The following PRR5 variants were observed in gnomAD, a reference collection of about 807,000 sequenced individuals.
PRR5 encodes the protein proline-rich protein 5.
In PRR5, 25 loss-of-function variants were observed where a neutral mutation model predicts 30.6. The ratio of observed to expected loss-of-function variants is 0.82; its 90% CI spans 0.60 to 1.14. PRR5 has a LOEUF of 1.14. Among genes scored for constraint, PRR5 ranks in the 50% most tolerant of loss-of-function variants. The probability of loss-of-function intolerance (pLI) is 0.00; values close to 1 mark genes in which losing one functional copy is unlikely to be tolerated. For synonymous variants in PRR5, 286 were observed against 247.1 expected, an observed-to-expected ratio of 1.16 and a Z score of -1.48; for missense variants, 600 against 547.1, an observed-to-expected ratio of 1.10 and a Z score of -0.96.
chr22:44,704,825 C>A (rs2147021188), intron 1 of PRR5, among the ~76,000 whole-genome samples: 1 of 152,234 alleles, frequency 6.6e-6, no homozygotes, highest in South Asian at 2.1e-4. Flanking sequence ...CTCTCCTCCC[C>A]AGCAGATGTG....
chr22:44,670,160 G>A (rs1569056428), intron 1 of PRR5, among the ~76,000 whole-genome samples: 1 of 152,194 alleles, frequency 6.6e-6, no homozygotes, highest in Non-Finnish European at 1.5e-5. Context: ...CCTCCGGCTG[G>A]CGGACAGCGA....
intron 2 of PRR5, among the ~76,000 whole-genome samples, chr22:44,717,457 G>A (rs975161223): frequency 6.6e-6 from 1 of 152,122 alleles, no homozygotes; most frequent in African/African-American, 2.4e-5. Context: ...CTCCCAAAGT[G>A]CTGGGATTCC....
chr22:44,729,339 G>T (rs1166947657), intron 4 of PRR5: 1 of 984,390 alleles, frequency 1.0e-6, no homozygotes, highest in Non-Finnish European at 1.2e-6. Context: ...CTCAGCACTC[G>T]GATAAAGAAA....
rs1314885566 is a variant in PRR5, at chr22:44,678,242, T to A, written c.-11+1002T>A. On this transcript the variant is annotated intron_variant, in intron 1 of 8. Transcript: ENST00000006251. Reference sequence around the variant, plus strand: ...GTTCCTGCTCACTCTCAGCCTTCTCTCCTCTGGGCCTTCCTCCTGCTGTTC... The same window carrying A: ...GTTCCTGCTCACTCTCAGCCTTCTCACCTCTGGGCCTTCCTCCTGCTGTTC... 2.6e-5 allele frequency among the ~76,000 whole-genome samples: 4 copies of A among 151,556 alleles called. No individual in the cohort carries two copies. In the East Asian group the frequency reaches 7.8e-4, roughly 29 times the overall value.
chr22:44,724,440 G>C (rs1358966286), intron 2 of PRR5, among the ~76,000 whole-genome samples: 1 of 143,350 alleles, frequency 7.0e-6, no homozygotes, highest in East Asian at 2.0e-4. Flanking sequence ...GTCTCAAAAA[G>C]AAAAAAAAAA....
intron 1 of PRR5, among the ~76,000 whole-genome samples, chr22:44,682,993 C>A (rs1924429195): frequency 6.6e-6 from 1 of 152,206 alleles, no homozygotes; most frequent in Non-Finnish European, 1.5e-5. Flanking sequence ...GCCAACCAGA[C>A]CAGGCTTAAG....
chr22:44,732,659 C>G (rs1922242853), intron 6 of PRR5, among the ~76,000 whole-genome samples: 1 of 152,156 alleles, frequency 6.6e-6, no homozygotes, highest in Non-Finnish European at 1.5e-5. Context: ...TGTGCCCACC[C>G]CCAGCACGCA....
intron 7 of PRR5, among the ~76,000 whole-genome samples, chr22:44,735,394 A>G (rs1923028989): frequency 6.6e-6 from 1 of 152,100 alleles, no homozygotes; most frequent in African/African-American, 2.4e-5. Context: ...GCTCCACCAG[A>G]CCTCCGTGTT....
rs1923458323 is a variant in PRR5, at chr22:44,737,264, T to G, written c.*17T>G. 6.3e-7 allele frequency: 1 copy of G among 1,581,282 alleles called. No individual in the cohort carries two copies. The highest frequency in any genetic ancestry group is 1.1e-5 in the South Asian group (1 of 87,846). ...GTCGTGTGAGGCCTCACAGCTGGCC[T>G]TGAGTTTTTACTGACACGTCCCTGT... On this transcript the variant is annotated 3_prime_UTR_variant, in exon 8 of 8. Transcript: ENST00000336985.
At chr22:44,693,694 C>G (rs892884368) in intron 1 of PRR5, among the ~76,000 whole-genome samples, 1 of 146,126 alleles carries the variant, frequency 6.8e-6, no homozygotes, top group African/African-American at 2.5e-5. Context: ...CAGTGGCTCA[C>G]TCGGCTCAGT....
intron 4 of PRR5, 58 bp from the exon 5 acceptor site, chr22:44,731,672 A>C: frequency 6.4e-7 from 1 of 1,556,246 alleles, no homozygotes; most frequent in Admixed American, 1.7e-5. Context: ...ATCCTGGGTG[A>C]GTGGAGGCAT....
chr22:44,697,208 G>A (rs376094543), upstream of PRR5, among the ~76,000 whole-genome samples: 8 of 152,166 alleles, frequency 5.3e-5, no homozygotes, highest in Non-Finnish European at 8.8e-5. Flanking sequence ...CACCAGGTCC[G>A]GTGGCCTGGT....
At chr22:44,672,133 C>T (rs1301825971), upstream of PRR5, among the ~76,000 whole-genome samples, 1 of 152,212 alleles carries the variant, frequency 6.6e-6, no homozygotes, top group Non-Finnish European at 1.5e-5. Context: ...ACAGTGCTCA[C>T]TCTGGGCCTG....
At chr22:44,697,533 CAG>C (rs994111828), upstream of PRR5, among the ~76,000 whole-genome samples, 3 of 152,244 alleles carry the variant, frequency 2.0e-5, no homozygotes, top group Admixed American at 1.3e-4. Flanking sequence ...GGCTGCTCCT[CAG>C]GGGGCAGAAG....
intron 7 of PRR5, 113 bp from the exon 8 acceptor site, chr22:44,736,659 C>T: frequency 6.8e-7 from 1 of 1,461,400 alleles, no homozygotes. Flanking sequence ...CCGGGTCGGG[C>T]CTTCCCTGCA....
At chr22:44,710,023 C>T (rs879861074) in intron 1 of PRR5, among the ~76,000 whole-genome samples, 3 of 152,158 alleles carry the variant, frequency 2.0e-5, no homozygotes, top group Non-Finnish European at 4.4e-5. Context: ...ACCCCCTACC[C>T]GCCGCCCCTC....
chr22:44,688,785 C>T (rs1030982648), intron 1 of PRR5, among the ~76,000 whole-genome samples: 13 of 151,766 alleles, frequency 8.6e-5, no homozygotes, highest in South Asian at 2.1e-4. Context: ...GTCAGGAGTT[C>T]GAGACCAGCC....
At chr22:44,710,990 T>G (rs1928131278) in intron 1 of PRR5, among the ~76,000 whole-genome samples, 1 of 151,836 alleles carries the variant, frequency 6.6e-6, no homozygotes, top group African/African-American at 2.4e-5. Context: ...ACTGAGTGAT[T>G]AGGTGGTAAC....
At chr22:44,717,393 T>C (rs1159890569) in intron 2 of PRR5, among the ~76,000 whole-genome samples, 4 of 151,858 alleles carry the variant, frequency 2.6e-5, no homozygotes, top group East Asian at 2.0e-4. Flanking sequence ...GGTTTCACCA[T>C]GTTGGCCAGG....
Sources: gnomAD v4.1 joint callset for allele counts (sites outside exome capture counted in the v4.1 genomes callset) on GRCh38, gnomAD v4.1.1 for gene constraint, MANE v1.5 for transcripts, NCBI Gene and HGNC (gene_info 2026-07-23, HGNC 2026-07-21) for gene names.